AATF: variants seen among roughly 807,000 people sequenced by gnomAD.
The protein encoded by AATF is apoptosis antagonizing transcription factor, also known as protein AATF.
A neutral mutation model predicts 63.7 loss-of-function variants in AATF; 48 were observed. The ratio of observed to expected loss-of-function variants is 0.75; its 90% CI spans 0.60 to 0.96. The LOEUF (loss-of-function observed/expected upper bound fraction) is 0.96. Among genes scored for constraint, AATF ranks in the 40% least tolerant of loss-of-function variants. AATF has a pLI of 0.00. For synonymous variants in AATF, 258 were observed against 247.7 expected, an observed-to-expected ratio of 1.04 and a Z score of -0.39; for missense variants, 639 against 685.7, an observed-to-expected ratio of 0.93 and a Z score of 0.76.
intron 11 of AATF, chr17:37,042,890 C>T (rs2071654168): frequency 6.6e-6 from 1 of 151,822 alleles, no homozygotes; most frequent in African/African-American, 2.4e-5. Flanking sequence ...TACAGGCACC[C>T]ACTACCACGC....
At chr17:37,020,551 T>C (rs951814158) in intron 9 of AATF, among the ~76,000 whole-genome samples, 1 of 152,218 alleles carries the variant, frequency 6.6e-6, no homozygotes, top group Non-Finnish European at 1.5e-5. Flanking sequence ...TAAAAATTCA[T>C]GCATTCAAAC....
intron 4 of AATF, among the ~76,000 whole-genome samples, chr17:36,983,472 C>T (rs2071143005): frequency 6.6e-6 from 1 of 152,092 alleles, no homozygotes; most frequent in African/African-American, 2.4e-5. Context: ...CTCAGCCTCC[C>T]GAGTAGCTGA....
At chr17:36,986,146 G>A (rs1314807776) in intron 4 of AATF, among the ~76,000 whole-genome samples, 1 of 152,184 alleles carries the variant, frequency 6.6e-6, no homozygotes, top group Non-Finnish European at 1.5e-5. Context: ...GGTGTTGGTG[G>A]TGGGGATGCC....
intron 4 of AATF, among the ~76,000 whole-genome samples, chr17:36,975,908 A>G (rs7212216): frequency 0.27 from 40,804 of 151,960 alleles, 8,110 homozygotes; most frequent in African/African-American, 0.57. Context: ...TCTGATGTAC[A>G]TGGGCTTTTG....
intron 4 of AATF, among the ~76,000 whole-genome samples, chr17:36,983,247 T>G (rs1259104216): frequency 6.6e-6 from 1 of 152,132 alleles, no homozygotes; most frequent in South Asian, 2.1e-4. Flanking sequence ...CTTCCTACAT[T>G]GTCCGGGCTG....
At chr17:36,960,441 ATTTT>A (rs1044144543) in intron 4 of AATF, among the ~76,000 whole-genome samples, 115 of 152,130 alleles carry the variant, frequency 7.6e-4, no homozygotes, top group African/African-American at 2.6e-3. Context: ...AGTTTTACTT[ATTTT>A]TAAGTAGGCA....
At chr17:37,031,930 C>T (rs994090863) in intron 11 of AATF, among the ~76,000 whole-genome samples, 2 of 152,138 alleles carry the variant, frequency 1.3e-5, no homozygotes, top group African/African-American at 2.4e-5. Flanking sequence ...TTTAGCCCAG[C>T]GCCCTGGGAC....
intron 2 of AATF, 103 bp downstream of exon 2, chr17:36,950,508 C>G: frequency 8.3e-7 from 1 of 1,204,610 alleles, no homozygotes; most frequent in Middle Eastern, 2.0e-4. Context: ...GTCTGCGGAT[C>G]TTTTTTTTGA....
rs553096964 is a variant in AATF, at chr17:36,989,105, C to G, written c.1150-142C>G. Reference sequence around the variant, plus strand: ...TTTTAAGAACAATTATAGCCACTCACAAACTCAGTCCTTTACAGAAAGTCC... The same window carrying G: ...TTTTAAGAACAATTATAGCCACTCAGAAACTCAGTCCTTTACAGAAAGTCC... On this transcript the variant is annotated intron_variant, in intron 6 of 11. Transcript: ENST00000619387. The G allele has an allele frequency of 8.3e-5, 82 of 982,574 alleles. No homozygotes were observed. The African/African-American group carries it at 1.2e-3, about 14-fold the overall frequency. 60.9% of individuals were successfully genotyped at this position (982,574 alleles called of 1,614,324 possible). A position where few individuals can be genotyped will look rare whatever the true frequency, so the allele number is the denominator to read the frequency against.
At chr17:36,953,705 C>T in intron 3 of AATF, 65 bp from the exon 4 acceptor site, 1 of 1,531,928 alleles carries the variant, frequency 6.5e-7, no homozygotes, top group Non-Finnish European at 8.9e-7. Flanking sequence ...TCTTCCCCAC[C>T]CCTGCCACCT....
At chr17:37,021,229 T>C in intron 10 of AATF, 1 of 446,286 alleles carries the variant, frequency 2.2e-6, no homozygotes. Context: ...TTGTAATAGA[T>C]GGGTGAAATA....
At chr17:36,961,872 A>G (rs1161228985) in intron 4 of AATF, among the ~76,000 whole-genome samples, 1 of 152,108 alleles carries the variant, frequency 6.6e-6, no homozygotes, top group African/African-American at 2.4e-5. Context: ...ACTGGGTTTC[A>G]CTGTGTTGGC....
intron 11 of AATF, among the ~76,000 whole-genome samples, chr17:37,051,732 A>G (rs1347525101): frequency 1.3e-5 from 2 of 151,240 alleles, no homozygotes; most frequent in Admixed American, 6.6e-5. Context: ...ACACACACGC[A>G]CATTCTGTCT....
At chr17:37,002,406 A>G (rs376486570) in intron 8 of AATF, among the ~76,000 whole-genome samples, 18 of 151,384 alleles carry the variant, frequency 1.2e-4, no homozygotes, top group Non-Finnish European at 2.5e-4. Flanking sequence ...GGTGCCTCAC[A>G]CCTGTAATCC....
At chr17:37,004,892 A>T (rs796172146) in intron 8 of AATF, among the ~76,000 whole-genome samples, 1 of 152,190 alleles carries the variant, frequency 6.6e-6, no homozygotes, top group Non-Finnish European at 1.5e-5. Context: ...ATCCATGTGG[A>T]TGCAGGTACT....
At chr17:37,004,285 C>T (rs2071324929) in intron 8 of AATF, among the ~76,000 whole-genome samples, 1 of 151,904 alleles carries the variant, frequency 6.6e-6, no homozygotes, top group African/African-American at 2.4e-5. Flanking sequence ...GAGCTGAGAT[C>T]GCACCATTGC....
intron 8 of AATF, among the ~76,000 whole-genome samples, chr17:36,997,807 A>G (rs1016157706): frequency 2.0e-5 from 3 of 152,238 alleles, no homozygotes; most frequent in African/African-American, 7.2e-5. Flanking sequence ...CACAATTGCA[A>G]AATCATGGAG....
chr17:36,953,994 C>A, intron 4 of AATF, 87 bp downstream of exon 4: 1 of 1,436,592 alleles, frequency 7.0e-7, no homozygotes. Flanking sequence ...GGAGCTTGAG[C>A]CATGTTTATT....
At chr17:37,030,683 T>C (rs1172114909) in intron 10 of AATF, among the ~76,000 whole-genome samples, 2 of 152,188 alleles carry the variant, frequency 1.3e-5, no homozygotes, top group African/African-American at 4.8e-5. Context: ...AATTCAGTTG[T>C]GTTTCTCCAT....
Sources: gnomAD v4.1 joint callset for allele counts (sites outside exome capture counted in the v4.1 genomes callset) on GRCh38, gnomAD v4.1.1 for gene constraint, MANE v1.5 for transcripts, NCBI Gene and HGNC (gene_info 2026-07-23, HGNC 2026-07-21) for gene names.